The following PTPRM variants were observed in gnomAD, a reference collection of about 807,000 sequenced individuals.
PTPRM encodes the protein receptor-type tyrosine-protein phosphatase mu.
A neutral mutation model predicts 186.7 loss-of-function variants in PTPRM; 47 were observed. The observed-to-expected ratio is 0.25, with a 90% confidence interval of 0.20 to 0.32. PTPRM has a LOEUF of 0.32. Ranked by LOEUF, PTPRM falls within the 10% of genes least tolerant of loss-of-function variation. The pLI, the probability that PTPRM is intolerant of heterozygous loss-of-function variation, is 1.00. For synonymous variants in PTPRM, 668 were observed against 674.9 expected (o/e 0.99, Z 0.16); for missense variants, 1,494 against 1,865.0 (o/e 0.80, Z 3.66).
At chr18:7,827,791 C>T (rs2045561761) in intron 2 of PTPRM, among the ~76,000 whole-genome samples, 1 of 152,188 alleles carries the variant, frequency 6.6e-6, no homozygotes, top group African/African-American at 2.4e-5. Flanking sequence ...ATTTATATAT[C>T]CATAGTGGAC....
chr18:8,244,149 C>T lies in PTPRM; in HGVS notation c.2392C>T (p.Gln798Ter). The T allele has an allele frequency of 6.2e-7, 1 of 1,605,492 alleles. No homozygotes were observed. The stretch of plus-strand genomic sequence containing the variant: ...CTCAATGGACAAGAGCTATGCTGAG[C>T]AGGGCACAAACTGCGACGAGGCTTT... ...VNSMDKSYAE[Q>*]GTNCDEAFSF... Residue 798 changes from glutamine to a stop codon, truncating the protein, a stop_gained, in exon 15 of 33, where the codon CAG becomes TAG. Coordinates refer to ENST00000580170, the MANE Select transcript of PTPRM (RefSeq NM_001105244.2). LOFTEE classifies it high-confidence loss of function.
intron 13 of PTPRM, among the ~76,000 whole-genome samples, chr18:8,128,401 T>C (rs2092424004): frequency 6.6e-6 from 1 of 152,096 alleles, no homozygotes; most frequent in South Asian, 2.1e-4. Context: ...TGAGGAGAAT[T>C]TGAGATTTTT....
intron 1 of PTPRM, among the ~76,000 whole-genome samples, chr18:7,684,291 A>G (rs2039546079): frequency 8.3e-6 from 1 of 120,836 alleles, no homozygotes; most frequent in East Asian, 2.6e-4. Flanking sequence ...GGGAGACCTC[A>G]TTTAAAAAAA....
chr18:8,181,790 G>C (rs2302502), intron 14 of PTPRM, among the ~76,000 whole-genome samples: 2 of 151,984 alleles, frequency 1.3e-5, no homozygotes, highest in Admixed American at 1.3e-4. Flanking sequence ...TTCCTTCATC[G>C]GTGCTGGCAG....
intron 2 of PTPRM, among the ~76,000 whole-genome samples, chr18:7,862,064 G>A (rs1036333689): frequency 6.6e-5 from 10 of 152,126 alleles, no homozygotes; most frequent in African/African-American, 2.2e-4. Context: ...TTTTCATGCC[G>A]TGTACACCTT....
chr18:8,032,987 C>A (rs2086086530), intron 7 of PTPRM, among the ~76,000 whole-genome samples: 1 of 151,998 alleles, frequency 6.6e-6, no homozygotes, highest in African/African-American at 2.4e-5. Context: ...ATTGAAAAGC[C>A]TGAGATTCTT....
intron 11 of PTPRM, among the ~76,000 whole-genome samples, chr18:8,106,410 C>T (rs189857284): frequency 1.2e-4 from 18 of 151,998 alleles, no homozygotes; most frequent in Admixed American, 5.9e-4. Flanking sequence ...AGGGTGAGAA[C>T]ATTTGGGCAC....
At chr18:7,787,161 T>C (rs2043132217) in intron 2 of PTPRM, among the ~76,000 whole-genome samples, 1 of 152,202 alleles carries the variant, frequency 6.6e-6, no homozygotes, top group Admixed American at 6.5e-5. Flanking sequence ...ACACTTGATA[T>C]TTCTCAATGG....
intron 1 of PTPRM, among the ~76,000 whole-genome samples, chr18:7,742,380 G>T (rs1421727182): frequency 1.3e-5 from 2 of 152,108 alleles, no homozygotes; most frequent in Non-Finnish European, 2.9e-5. Flanking sequence ...CGATCTGATT[G>T]TGCAAAATAG....
intron 11 of PTPRM, among the ~76,000 whole-genome samples, chr18:8,101,257 C>G (rs1431813508): frequency 6.6e-6 from 1 of 152,118 alleles, no homozygotes; most frequent in Non-Finnish European, 1.5e-5. Flanking sequence ...TAATATCTAC[C>G]TCAAAGGACA....
intron 23 of PTPRM, among the ~76,000 whole-genome samples, chr18:8,349,126 T>C (rs373664276): frequency 6.6e-4 from 101 of 152,316 alleles, no homozygotes; most frequent in African/African-American, 2.4e-3. Context: ...GAAGGTATAT[T>C]AAGATTCCAG....
At chr18:8,094,881 A>G (rs971302963) in intron 11 of PTPRM, among the ~76,000 whole-genome samples, 3 of 152,188 alleles carry the variant, frequency 2.0e-5, no homozygotes, top group Non-Finnish European at 2.9e-5. Flanking sequence ...AGAAGGACAC[A>G]TTTTGAAATT....
chr18:8,228,694 A>T (rs953823807), intron 14 of PTPRM, among the ~76,000 whole-genome samples: 8 of 142,214 alleles, frequency 5.6e-5, no homozygotes, highest in African/African-American at 1.9e-4. Flanking sequence ...AAAAAAAAAA[A>T]ATACAAAAAT....
intron 32 of PTPRM, among the ~76,000 whole-genome samples, chr18:8,405,639 A>C (rs1196086774): frequency 1.3e-5 from 2 of 152,226 alleles, no homozygotes; most frequent in African/African-American, 4.8e-5. Flanking sequence ...GGTGCTTATG[A>C]AATTCTCATG....
intron 7 of PTPRM, among the ~76,000 whole-genome samples, chr18:7,956,556 G>C (rs1258515560): frequency 6.6e-6 from 1 of 152,134 alleles, no homozygotes; most frequent in Non-Finnish European, 1.5e-5. Flanking sequence ...TTGCTGTTTT[G>C]TACATCTTTC....
At chr18:7,698,427 A>G (rs2039889432) in intron 1 of PTPRM, among the ~76,000 whole-genome samples, 1 of 152,200 alleles carries the variant, frequency 6.6e-6, no homozygotes, top group South Asian at 2.1e-4. Flanking sequence ...AAACCTCTCA[A>G]TTTATATCAT....
intron 5 of PTPRM, among the ~76,000 whole-genome samples, chr18:7,946,582 GA>G (rs2052540332): frequency 1.3e-5 from 2 of 152,188 alleles, no homozygotes; most frequent in Admixed American, 1.3e-4. Context: ...AATATCTATG[GA>G]AAGCAGAGAG....
At chr18:7,782,599 T>G (rs1206963789) in intron 2 of PTPRM, among the ~76,000 whole-genome samples, 2 of 152,108 alleles carry the variant, frequency 1.3e-5, no homozygotes, top group Non-Finnish European at 2.9e-5. Flanking sequence ...TCCTCCTTCC[T>G]CCTCCCCCAG....
intron 29 of PTPRM, among the ~76,000 whole-genome samples, chr18:8,381,154 A>G (rs1290160390): frequency 1.3e-5 from 2 of 152,156 alleles, no homozygotes; most frequent in Non-Finnish European, 2.9e-5. Context: ...AGTTAGACAC[A>G]TTTTCTTGAA....
Sources: gnomAD v4.1 joint callset for allele counts (sites outside exome capture counted in the v4.1 genomes callset) on GRCh38, gnomAD v4.1.1 for gene constraint, MANE v1.5 for transcripts, NCBI Gene and HGNC (gene_info 2026-07-23, HGNC 2026-07-21) for gene names.